ZAN: variants seen among roughly 807,000 people sequenced by gnomAD.
ZAN encodes the protein zonadhesin, also known as zonadhesin (gene/pseudogene).
In ZAN, 260 loss-of-function variants were observed where a neutral mutation model predicts 286.2. The ratio of observed to expected loss-of-function variants is 0.91; its 90% CI spans 0.82 to 1.01. The LOEUF is 1.01. Ranked by LOEUF, ZAN falls within the 50% of genes least tolerant of loss-of-function variation. The pLI, the probability that ZAN is intolerant of heterozygous loss-of-function variation, is 0.00. For missense variants in ZAN, 3,410 were observed against 3,639.2 expected (o/e 0.94, Z 1.62); for synonymous variants, 1,368 against 1,417.5 (o/e 0.97, Z 0.79).
chr7:100,779,755 G>T lies in ZAN; in HGVS notation c.6622+5G>T. 1 of 1,547,744 alleles carries T rather than the reference G, an allele frequency of 6.5e-7. No homozygotes were observed. Among genetic ancestry groups the T allele is most frequent in the South Asian group, 1.2e-5 (1 of 84,038 alleles). On this transcript the variant is annotated splice_donor_5th_base_variant and intron_variant, in intron 35 of 47. Coordinates refer to ENST00000613979, the MANE Select transcript of ZAN (RefSeq NM_003386.3). ...GGAGAAACAGCAGCTTCTGCCGTGA[G>T]TGTGCCCTGCTGTCACCCCAAACCC...
At position 100,764,214 on chromosome 7, in the gene ZAN, C is replaced by A; in HGVS notation, c.4267+18C>A. ...CTTCTGCCGTGAGTTGTGCCAAACT[C>A]AGAGGAGAGGCCGGGCACGGTGGCT... is the stretch of plus-strand genomic sequence containing the variant. On this transcript the variant is annotated intron_variant, in intron 22 of 47. Transcript: ENST00000613979. The A allele has an allele frequency of 6.6e-7, 1 of 1,517,318 alleles. No individual in the cohort carries two copies. Among genetic ancestry groups the A allele is most frequent in the East Asian group, 2.4e-5 (1 of 41,732 alleles). The allele number at this position is 1,517,318 out of a possible 1,614,324, so 94.0% of individuals were successfully genotyped here.
In ZAN at chr7:100,748,208, T is replaced by C. The variant is rs1332690746; in HGVS notation, c.1095T>C (p.Pro365=). The C allele has an allele frequency of 1.2e-6, 2 of 1,613,806 alleles. No homozygotes were observed. Among genetic ancestry groups the C allele is most frequent in the Non-Finnish European group, 1.7e-6 (2 of 1,179,844 alleles). The change falls in exon 10 of 48, where the codon CCT becomes CCC. Residue 365 remains proline, a synonymous_variant. Transcript: ENST00000613979. ...CAGTTGATGCAACCAGCATTGCTCCTTGTGGGGGTGAGAGCAGGCCCTGAG... is the reference window on the plus strand; with the variant it reads ...CAGTTGATGCAACCAGCATTGCTCCCTGTGGGGGTGAGAGCAGGCCCTGAG... ...AVAVDATSIA[P]CGEGFPQCDF...
At chr7:100,785,943 G>A in intron 36 of ZAN, 54 bp from the exon 37 acceptor site, 1 of 1,560,922 alleles carries the variant, frequency 6.4e-7, no homozygotes, top group Non-Finnish European at 8.7e-7. Context: ...ACAGGCGTGA[G>A]CCGCCGCGCC....
At chr7:100,779,809 C>G in intron 35 of ZAN, 59 bp downstream of exon 35, 1 of 1,462,930 alleles carries the variant, frequency 6.8e-7, no homozygotes, top group Non-Finnish European at 9.2e-7. Flanking sequence ...CTCTCTGCTT[C>G]CCTGAGAGCT....
Position 100,794,016 on chromosome 7 carries a change from C to G in ZAN, c.7984C>G (p.Gln2662Glu), listed in dbSNP as rs1187741761. ...CGCTSNGIYY[Q>E]LGSSFLTEDC... ...CTGCACCAGCAATGGCATCTACTACCAGGTCTGAGCTGGCAGCAGGAGGCC... is the reference window on the plus strand; with the variant it reads ...CTGCACCAGCAATGGCATCTACTACGAGGTCTGAGCTGGCAGCAGGAGGCC... The change falls in exon 43 of 48, where the codon CAG (glutamine) becomes GAG (glutamate). Residue 2662 changes from glutamine (Q) to glutamate (E), a missense_variant and splice_region_variant. Gln to Glu is a conservative substitution (Grantham distance 29). Coordinates refer to ENST00000613979, the MANE Select transcript of ZAN (RefSeq NM_003386.3). 5 of 1,612,920 alleles carry G rather than the reference C, an allele frequency of 3.1e-6. No homozygotes were observed. In the Admixed American group the frequency reaches 6.7e-5, roughly 22 times the overall value.
In ZAN at chr7:100,763,979, C is replaced by G; in HGVS notation, c.4098-48C>G. On this transcript the variant is annotated intron_variant, in intron 21 of 47. Coordinates refer to ENST00000613979, the MANE Select transcript of ZAN (RefSeq NM_003386.3). This position sits in a 1 kb window ranked among gnomAD's most constrained non-coding sequence, Gnocchi z 4.6. ...GCTTGGCACCTGGGCTCCTCCAAGGCTCTACCCCCTTCCACTGCATTCCCC... is the reference window on the plus strand; with the variant it reads ...GCTTGGCACCTGGGCTCCTCCAAGGGTCTACCCCCTTCCACTGCATTCCCC... 4 of 1,613,756 alleles carry G rather than the reference C, an allele frequency of 2.5e-6. No homozygotes were observed. The highest frequency in any genetic ancestry group is 3.4e-6 in the Non-Finnish European group (4 of 1,179,736).
intron 6 of ZAN, among the ~76,000 whole-genome samples, chr7:100,737,997 C>G (rs1807434975): frequency 7.1e-6 from 1 of 139,990 alleles, no homozygotes; most frequent in Non-Finnish European, 1.6e-5. Context: ...ACTCTTGTCA[C>G]CCAGGCTGGA....
intron 11 of ZAN, 121 bp downstream of exon 11, chr7:100,748,591 G>GT (rs1284530235): frequency 1.3e-5 from 18 of 1,358,456 alleles, no homozygotes; most frequent in Non-Finnish European, 1.6e-5. Flanking sequence ...GTCCACAGGT[G>GT]TTTTTTCGGA....
chr7:100,751,881 C>G lies in ZAN; in HGVS notation c.1776C>G (p.Thr592=). 6.2e-7 allele frequency: 1 copy of G among 1,613,556 alleles called. No individual in the cohort carries two copies. The highest frequency in any genetic ancestry group is 8.5e-7 in the Non-Finnish European group (1 of 1,179,838). The stretch of plus-strand genomic sequence containing the variant: ...CCACAGTCCCCAAAGAAAAGCCCAC[C>G]ATTCCCACAGAAAAACCCACCATCT... ...EKPTVPKEKP[T]IPTEKPTIST... Residue 592 remains threonine, a synonymous_variant, in exon 14 of 48, where the codon ACC becomes ACG. Coordinates refer to ENST00000613979, the MANE Select transcript of ZAN (RefSeq NM_003386.3).
At position 100,753,114 on chromosome 7, in the gene ZAN, C is replaced by G; in HGVS notation, c.3009C>G (p.Pro1003=). 2 of 1,613,938 alleles carry G rather than the reference C, an allele frequency of 1.2e-6. No homozygotes were observed. The highest frequency in any genetic ancestry group is 1.1e-5 in the South Asian group (1 of 91,082). The stretch of plus-strand genomic sequence containing the variant: ...AGAAGCTCACAGCCCTGAGGCCACC[C>G]CATCCCAGCCCCACAGCCACTGGGC... ...PTEKLTALRP[P]HPSPTATGLA... The change falls in exon 14 of 48, where the codon CCC becomes CCG. Residue 1003 remains proline (P), a synonymous_variant. Coordinates refer to ENST00000613979, the MANE Select transcript of ZAN (RefSeq NM_003386.3).
chr7:100,785,659 C>CTT (rs530251109), intron 36 of ZAN, among the ~76,000 whole-genome samples: 6 of 143,268 alleles, frequency 4.2e-5, no homozygotes, highest in Non-Finnish European at 6.2e-5. Context: ...CCTCTTCACT[C>CTT]TTTTTTTTTT....
rs756160769 is a variant in ZAN, at chr7:100,752,549, C to CTG, written c.2444_2445insTG (p.Ser816AlafsTer186). The CTG allele has an allele frequency of 6.2e-7, 1 of 1,612,382 alleles. No homozygotes were observed. Among genetic ancestry groups the CTG allele is most frequent in the African/African-American group, 1.3e-5 (1 of 74,346 alleles). On this transcript the variant is annotated frameshift_variant, in exon 14 of 48. Transcript: ENST00000613979. LOFTEE classifies it high-confidence loss of function. ...GAGACCACCATCTCCACAGAAAAAC[C>CTG]CAGCATCCCCATGGAAAAACCCACT...
chr7:100,747,726 C>G lies in ZAN; in HGVS notation c.1023+85C>G, dbSNP rs2075670. The stretch of plus-strand genomic sequence containing the variant: ...AATTGAGGGGCCTGGTGCTGTGGCT[C>G]ATGCCTGTATTCCCAATACTTTGGG... On this transcript the variant is annotated intron_variant, in intron 9 of 47. Coordinates refer to ENST00000613979, the MANE Select transcript of ZAN (RefSeq NM_003386.3). The G allele has an allele frequency of 2.3e-6, 3 of 1,330,474 alleles. No homozygotes were observed. In the African/African-American group the frequency reaches 4.3e-5, roughly 19 times the overall value. The allele number at this position is 1,330,474 out of a possible 1,614,324, so 82.4% of individuals were successfully genotyped here.
At position 100,750,858 on chromosome 7, in the gene ZAN, T is replaced by G; in HGVS notation, c.1483T>G (p.Ser495Ala). 6.4e-7 allele frequency: 1 copy of G among 1,571,324 alleles called. No individual in the cohort carries two copies. The highest frequency in any genetic ancestry group is 1.2e-5 in the South Asian group (1 of 83,140). Reference protein sequence around the residue: ...GSQRPYWQNTSVTVPSGHQQP... With the variant: ...GSQRPYWQNTAVTVPSGHQQP... ...TCAGCGCCCTTACTGGCAGAACACC[T>G]CCGTCACCGTCCCCTCAGGACACCA... is the stretch of plus-strand genomic sequence containing the variant. The change falls in exon 12 of 48, where the codon TCC becomes GCC. Residue 495 changes from serine (S) to alanine (A), a missense_variant. Ser to Ala is a moderately conservative substitution (Grantham distance 99). Transcript: ENST00000613979.
At chr7:100,790,858 G>C in intron 39 of ZAN, 84 bp from the exon 40 acceptor site, 1 of 1,408,618 alleles carries the variant, frequency 7.1e-7, no homozygotes, top group Non-Finnish European at 9.4e-7. Context: ...ACTCCAGCCT[G>C]GGCAACAGAG....
At chr7:100,795,413 T>C in intron 45 of ZAN, 77 bp downstream of exon 45, 15 of 1,314,906 alleles carry the variant, frequency 1.1e-5, no homozygotes, top group Non-Finnish European at 1.5e-5. Context: ...CTATATGTAT[T>C]ATATTCACAT....
chr7:100,795,058 A>T, intron 44 of ZAN, 138 bp from the exon 45 acceptor site: 1 of 1,092,410 alleles, frequency 9.2e-7, no homozygotes, highest in Non-Finnish European at 1.3e-6. Flanking sequence ...CAGGGTTGGG[A>T]GCCAGGCTGG....
At chr7:100,750,973 C>T (rs1584564351) in intron 12 of ZAN, 77 bp downstream of exon 12, 2 of 1,506,178 alleles carry the variant, frequency 1.3e-6, no homozygotes, top group Non-Finnish European at 1.8e-6. Flanking sequence ...GCCACCAGTG[C>T]TGAAGAGGTG....
rs1335992703 is a variant in ZAN, at chr7:100,750,652, ACGAGTTCTC to A, written c.1279_1287del (p.Glu427_Ser429del). The A allele has an allele frequency of 1.2e-6, 2 of 1,613,300 alleles. No homozygotes were observed. Among genetic ancestry groups the A allele is most frequent in the Non-Finnish European group, 1.7e-6 (2 of 1,179,750 alleles). On this transcript the variant is annotated inframe_deletion, in exon 12 of 48. Coordinates refer to ENST00000613979, the MANE Select transcript of ZAN (RefSeq NM_003386.3). The stretch of plus-strand genomic sequence containing the variant: ...GGTCACTATATCTACCTTGAGGCTG[ACGAGTTCTC>A]CCAGGCAGGCCAGTCAGTCAGACTG...
Sources: allele counts gnomAD v4.1 joint callset (sites outside exome capture counted in the v4.1 genomes callset), GRCh38; gene constraint gnomAD v4.1.1; non-coding constraint Gnocchi (gnomAD v3.1); transcripts MANE v1.5; gene names NCBI Gene and HGNC (gene_info 2026-07-23, HGNC 2026-07-21).